PTTG1: variants seen among roughly 807,000 people sequenced by gnomAD.
The protein encoded by PTTG1 is PTTG1 regulator of sister chromatid separation, securin.
A neutral mutation model predicts 20.0 loss-of-function variants in PTTG1; 8 were observed. The observed-to-expected ratio is 0.40, with a 90% CI of 0.23 to 0.72. The LOEUF is 0.72. PTTG1 is among the 30% of genes least tolerant of loss of function. The pLI is 0.38. For missense variants in PTTG1, 197 were observed against 236.0 expected (o/e 0.83, Z 1.08); for synonymous variants, 79 against 87.2 (o/e 0.91, Z 0.52).
At chr5:160,427,926 A>C in intron 5 of PTTG1, 53 bp downstream of exon 5, 3 of 1,602,264 alleles carry the variant, frequency 1.9e-6, no homozygotes, top group Non-Finnish European at 2.6e-6. Flanking sequence ...GTTTCATAAC[A>C]CTTCCATTAC....
At chr5:160,423,262 A>G (rs1311782727) in intron 3 of PTTG1, among the ~76,000 whole-genome samples, 1 of 152,206 alleles carries the variant, frequency 6.6e-6, no homozygotes, top group African/African-American at 2.4e-5. Flanking sequence ...GGGTGCCTTA[A>G]GAGGTTCTGT....
chr5:160,427,620 C>T (rs1270107083), intron 4 of PTTG1, 95 bp from the exon 5 acceptor site: 5 of 1,363,026 alleles, frequency 3.7e-6, no homozygotes, highest in African/African-American at 1.5e-5. Flanking sequence ...TAGTTTTGAC[C>T]TCATGGACCC....
chr5:160,426,548 A>G (rs1388115686), intron 4 of PTTG1, among the ~76,000 whole-genome samples: 1 of 152,204 alleles, frequency 6.6e-6, no homozygotes, highest in East Asian at 1.9e-4. Flanking sequence ...CCATTGGTCT[A>G]TTTTGCACTT....
intron 2 of PTTG1, 143 bp from the exon 3 acceptor site, chr5:160,422,566 T>C: frequency 9.6e-7 from 1 of 1,040,834 alleles, no homozygotes; most frequent in Non-Finnish European, 1.5e-6. Context: ...ACTGAATCTC[T>C]GCTATTAGGC....
Position 160,422,878 on chromosome 5 carries a change from C to G in PTTG1, c.261C>G (p.Ser87Arg). 2.5e-6 allele frequency: 4 copies of G among 1,614,096 alleles called. No individual in the cohort carries two copies. The highest frequency in any genetic ancestry group is 3.4e-6 in the Non-Finnish European group (4 of 1,180,002). The change falls in exon 3 of 6, where the codon AGC becomes AGG. Residue 87 changes from serine to arginine, a missense_variant. Transcript: ENST00000352433. ...TKGPLKQKQP[S>R]FSAKKMTEKT... The stretch of plus-strand genomic sequence containing the variant: ...GACCCCTCAAACAAAAACAGCCAAG[C>G]TTTTCTGCCAAAAAGGTAAGTGTTG...
Position 160,422,414 on chromosome 5 carries a change from A to G in PTTG1, c.91+11A>G. On this transcript the variant is annotated intron_variant, in intron 2 of 5. Transcript: ENST00000352433. ...TGGGGTCTGGACCTTGTAAGTATAC[A>G]AGGCTGCAGTCGGATACACTGGTAT... is the stretch of plus-strand genomic sequence containing the variant. The G allele has an allele frequency of 1.2e-6, 2 of 1,609,784 alleles. No homozygotes were observed. Among genetic ancestry groups the G allele is most frequent in the South Asian group, 1.1e-5 (1 of 90,988 alleles).
chr5:160,428,572 A>T (rs1200849743), intron 5 of PTTG1, 30 bp from the exon 6 acceptor site: 1 of 1,594,774 alleles, frequency 6.3e-7, no homozygotes, highest in Admixed American at 1.7e-5. Context: ...GGATTTGCAG[A>T]AATTTTAATA....
In PTTG1 at chr5:160,427,636, A is replaced by G. The variant is rs1765832160; in HGVS notation, c.371-79A>G. ...AGTTTTGACCTCATGGACCCCCTCA[A>G]AGGGTCTCAGACCACAAGGGATCTA... On this transcript the variant is annotated intron_variant, in intron 4 of 5. Coordinates refer to ENST00000352433, the MANE Select transcript of PTTG1 (RefSeq NM_004219.4). The G allele has an allele frequency of 5.4e-6, 8 of 1,480,358 alleles. No homozygotes were observed. In the South Asian group the frequency reaches 1.0e-4, roughly 19 times the overall value. The allele number at this position is 1,480,358 out of a possible 1,614,324, so 91.7% of individuals were successfully genotyped here.
Position 160,421,887 on chromosome 5 carries a change from C to G in PTTG1, c.-16C>G. 5.8e-6 allele frequency: 1 copy of G among 173,072 alleles called. No individual in the cohort carries two copies. The highest frequency in any genetic ancestry group is 1.3e-5 in the Non-Finnish European group (1 of 79,394). The allele number at this position is 173,072 out of a possible 1,614,324, so 10.7% of individuals were successfully genotyped here. A position where few individuals can be genotyped will look rare whatever the true frequency, so the allele number is the denominator to read the frequency against. On this transcript the variant is annotated 5_prime_UTR_variant, in exon 1 of 6. Coordinates refer to ENST00000352433, the MANE Select transcript of PTTG1 (RefSeq NM_004219.4). The stretch of plus-strand genomic sequence containing the variant: ...CCTCAGATGAATGCGGCTGTTAAGA[C>G]CTGCGTGAGTGAATGGGAGGGTCGC...
chr5:160,424,938 A>T (rs1038446675), intron 4 of PTTG1, among the ~76,000 whole-genome samples: 4 of 152,206 alleles, frequency 2.6e-5, no homozygotes, highest in African/African-American at 9.6e-5. Context: ...CAGATGCTGG[A>T]CAAGTCATCT....
In PTTG1 at chr5:160,427,773, A is replaced by G. The variant is rs745929107; in HGVS notation, c.429A>G (p.Gly143=). 6.8e-6 allele frequency: 11 copies of G among 1,614,010 alleles called. No individual in the cohort carries two copies. In the South Asian group the frequency reaches 1.2e-4, roughly 18 times the overall value. Residue 143 remains glycine, a synonymous_variant, in exon 5 of 6, where the codon GGA becomes GGG. Transcript: ENST00000352433. ...AGATTGCGCACCTCCCCTTGAGTGG[A>G]GTGCCTCTCATGATCCTTGACGAGG... The part of the protein sequence containing the change: ...EHQIAHLPLS[G]VPLMILDEER...
rs762272902 is a variant in PTTG1, at chr5:160,427,719, T to C, written c.375T>C (p.Phe125=). The part of the protein sequence containing the change: ...EKFFPFNPLD[F]ESFDLPEEHQ... ...AACGCTTTCTCTCTGTAACAGACTT[T>C]GAGAGTTTTGACCTGCCTGAAGAGC... Residue 125 remains phenylalanine (F), a synonymous_variant, in exon 5 of 6, where the codon TTT becomes TTC. Transcript: ENST00000352433. The C allele has an allele frequency of 6.2e-7, 1 of 1,613,672 alleles. No homozygotes were observed. Among genetic ancestry groups the C allele is most frequent in the African/African-American group, 1.3e-5 (1 of 75,024 alleles).
In PTTG1 at chr5:160,428,627, T is replaced by C. The variant is rs200225504; in HGVS notation, c.555T>C (p.Ile185=). ...ATCTGTTGCAGTCTCCTTCAAGCAT[T>C]CTGTCGACCCTGGATGTTGAATTGC... The part of the protein sequence containing the change: ...ESNLLQSPSS[I]LSTLDVELPP... The change falls in exon 6 of 6, where the codon ATT becomes ATC. Residue 185 remains isoleucine (I), a synonymous_variant. Transcript: ENST00000352433. The C allele has an allele frequency of 6.2e-7, 1 of 1,614,124 alleles. No individual in the cohort carries two copies. The highest frequency in any genetic ancestry group is 1.3e-5 in the African/African-American group (1 of 75,068).
At chr5:160,426,758 T>C (rs1024947330) in intron 4 of PTTG1, among the ~76,000 whole-genome samples, 28 of 152,148 alleles carry the variant, frequency 1.8e-4, no homozygotes, top group African/African-American at 5.6e-4. Context: ...AAATTCCTTT[T>C]TTTGGCCAGA....
intron 4 of PTTG1, among the ~76,000 whole-genome samples, chr5:160,425,630 CT>C (rs1194391719): frequency 6.6e-6 from 1 of 152,090 alleles, no homozygotes; most frequent in East Asian, 1.9e-4. Context: ...TACAGTTTTT[CT>C]TTTTTTATTA....
intron 3 of PTTG1, among the ~76,000 whole-genome samples, chr5:160,423,710 T>G (rs1208050849): frequency 6.6e-6 from 1 of 152,148 alleles, no homozygotes; most frequent in Admixed American, 6.5e-5. Context: ...GTAGCACCCT[T>G]CTATAGTAGA....
intron 4 of PTTG1, among the ~76,000 whole-genome samples, chr5:160,425,630 CTTTT>C (rs1194391719): frequency 6.6e-6 from 1 of 152,090 alleles, no homozygotes; most frequent in African/African-American, 2.4e-5. Flanking sequence ...TACAGTTTTT[CTTTT>C]TTTATTAACT....
Position 160,428,622 on chromosome 5 carries a change from A to G in PTTG1, c.550A>G (p.Ser184Gly), listed in dbSNP as rs2113217219. 1 of 1,614,112 alleles carries G rather than the reference A, an allele frequency of 6.2e-7. No homozygotes were observed. Among genetic ancestry groups the G allele is most frequent in the South Asian group, 1.1e-5 (1 of 91,084 alleles). Residue 184 changes from serine to glycine, a missense_variant, in exon 6 of 6, where the codon AGC (serine) becomes GGC (glycine). Coordinates refer to ENST00000352433, the MANE Select transcript of PTTG1 (RefSeq NM_004219.4). ...TCTAGATCTGTTGCAGTCTCCTTCA[A>G]GCATTCTGTCGACCCTGGATGTTGA... is the stretch of plus-strand genomic sequence containing the variant. Reference protein sequence around the residue: ...WESNLLQSPSSILSTLDVELP... With the variant: ...WESNLLQSPSGILSTLDVELP...
intron 4 of PTTG1, among the ~76,000 whole-genome samples, chr5:160,426,913 G>A (rs1033851269): frequency 3.9e-5 from 6 of 152,066 alleles, no homozygotes; most frequent in Admixed American, 1.3e-4. Flanking sequence ...TGTGGTGGGC[G>A]CACCTGTAAT....
Sources: gnomAD v4.1 joint callset for allele counts (sites outside exome capture counted in the v4.1 genomes callset) on GRCh38, gnomAD v4.1.1 for gene constraint, MANE v1.5 for transcripts, NCBI Gene and HGNC (gene_info 2026-07-23, HGNC 2026-07-21) for gene names.